NEO1: variants seen among roughly 807,000 people sequenced by gnomAD.
NEO1 encodes the protein neogenin 1, also known as neogenin.
Under a neutral mutation model 159.7 loss-of-function variants are expected in NEO1, and 63 were observed. That is an observed-to-expected ratio of 0.39 (90% CI 0.32 to 0.49). NEO1 has a LOEUF of 0.49. Ranked by LOEUF, NEO1 falls within the 20% of genes least tolerant of loss-of-function variation. The probability of loss-of-function intolerance (pLI) is 0.85; values close to 1 mark genes in which losing one functional copy is unlikely to be tolerated. For synonymous variants in NEO1, 633 were observed against 662.0 expected (o/e 0.96, Z 0.67); for missense variants, 1,615 against 1,831.0 (o/e 0.88, Z 2.15).
In NEO1 at chr15:73,105,349, G is replaced by A. The variant is rs143045672; in HGVS notation, c.131-11191G>A. On this transcript the variant is annotated intron_variant, in intron 1 of 28. Coordinates refer to ENST00000261908, the MANE Select transcript of NEO1 (RefSeq NM_002499.4). ...CTATACGCCTAAGAGTGCCTGCTGCGTGTTGTGTAGTTTCTGGTTTATTGT... is the reference window on the plus strand; with the variant it reads ...CTATACGCCTAAGAGTGCCTGCTGCATGTTGTGTAGTTTCTGGTTTATTGT... Among the ~76,000 whole-genome samples the A allele has an allele frequency of 2.9e-3, 446 of 152,298 alleles. 2 individuals carry two copies. The highest frequency in any genetic ancestry group is 0.01 in the African/African-American group (422 of 41,570).
rs1296531321 is a variant in NEO1 at position 73,244,389 on chromosome 15, C to T, written c.1497C>T (p.Thr499=). ...NTSHPGEMQV[T]IQNLMPATVY... ...GTCACCCAGGAGAGATGCAAGTAAC[C>T]ATTCAAAACCTAATGCCAGCGACCG... The change falls in exon 9 of 29, where the codon ACC becomes ACT. Residue 499 remains threonine, a synonymous_variant. Transcript: ENST00000261908. The T allele has an allele frequency of 1.9e-6, 3 of 1,613,872 alleles. No individual in the cohort carries two copies. Among genetic ancestry groups the T allele is most frequent in the East Asian group, 4.5e-5 (2 of 44,824 alleles).
chr15:73,074,039 A>C (rs66881913), intron 1 of NEO1, among the ~76,000 whole-genome samples: 3 of 152,108 alleles, frequency 2.0e-5, no homozygotes, highest in Admixed American at 6.5e-5. Context: ...GTCTCTTACT[A>C]TAACAGTGTT....
chr15:73,202,574 C>G (rs1596331140), intron 7 of NEO1, among the ~76,000 whole-genome samples: 1 of 151,958 alleles, frequency 6.6e-6, no homozygotes. Context: ...TGTTTTCTAC[C>G]TCCTCCTCTC....
chr15:73,282,985 G>T lies in NEO1; in HGVS notation c.3284G>T (p.Ser1095Ile), dbSNP rs1227245517. ...PMSGSNSPHG[S>I]PTSPLDSNML... is the part of the protein sequence containing the mutation. ...GCAGGCAGTAACAGCCCTCATGGGA[G>T]CCCCACCTCTCCTCTGGACAGTAAT... The change falls in exon 23 of 29, where the codon AGC becomes ATC. Residue 1095 changes from serine (S) to isoleucine (I), a missense_variant. Around this residue, in one of 3 missense-constraint regions of NEO1, gnomAD observed 471 missense variants for 498.9 expected, o/e 0.94. Transcript: ENST00000261908. 19 of 1,614,088 alleles carry T rather than the reference G, an allele frequency of 1.2e-5. No homozygotes were observed. Among genetic ancestry groups the T allele is most frequent in the Non-Finnish European group, 1.5e-5 (18 of 1,179,998 alleles).
intron 13 of NEO1, among the ~76,000 whole-genome samples, chr15:73,257,299 TGAG>T (rs1371677120): frequency 6.7e-6 from 1 of 150,186 alleles, no homozygotes; most frequent in Non-Finnish European, 1.5e-5. Context: ...TCCTTGCCCA[TGAG>T]GAGATTATTC....
In NEO1 at chr15:73,293,454, C is replaced by T; in HGVS notation, c.3807C>T (p.Ser1269=). 1 of 1,614,224 alleles carries T rather than the reference C, an allele frequency of 6.2e-7. No individual in the cohort carries two copies. The highest frequency in any genetic ancestry group is 8.5e-7 in the Non-Finnish European group (1 of 1,180,036). ...DNPHHHFHSS[S]LASPARSHLY... is the part of the protein sequence containing the mutation. ...CTCACCATCATTTCCACTCCAGCAG[C>T]CTCGCTTCTCCAGCTCGCAGTCATC... Residue 1269 remains serine, a synonymous_variant, in exon 26 of 29, where the codon AGC becomes AGT. Coordinates refer to ENST00000261908, the MANE Select transcript of NEO1 (RefSeq NM_002499.4).
At chr15:73,292,527 G>T (rs2042199352) in intron 25 of NEO1, among the ~76,000 whole-genome samples, 2 of 152,256 alleles carry the variant, frequency 1.3e-5, no homozygotes, top group Non-Finnish European at 2.9e-5. Context: ...AATTTTATCT[G>T]TTTCCATCTC....
At chr15:73,268,519 A>C (rs1448865463) in intron 16 of NEO1, among the ~76,000 whole-genome samples, 2 of 152,198 alleles carry the variant, frequency 1.3e-5, no homozygotes, top group Non-Finnish European at 2.9e-5. Context: ...TGGTTATATA[A>C]TGTATGCTAC....
At chr15:73,092,915 T>A (rs1326806184) in intron 1 of NEO1, among the ~76,000 whole-genome samples, 1 of 152,212 alleles carries the variant, frequency 6.6e-6, no homozygotes, top group East Asian at 1.9e-4. Context: ...ATTTTCTCAG[T>A]TTTTAGTTTT....
At chr15:73,215,652 A>C (rs2150719536) in intron 7 of NEO1, among the ~76,000 whole-genome samples, 2 of 152,302 alleles carry the variant, frequency 1.3e-5, no homozygotes, top group Middle Eastern at 3.4e-3. Flanking sequence ...ATGGTGGATT[A>C]TCTTTTTGAT....
intron 7 of NEO1, among the ~76,000 whole-genome samples, chr15:73,191,631 G>GT (rs1017766012): frequency 2.6e-5 from 4 of 151,612 alleles, no homozygotes; most frequent in African/African-American, 7.3e-5. Context: ...AAGTTTGAAG[G>GT]TTTTTTCAAA....
intron 5 of NEO1, among the ~76,000 whole-genome samples, chr15:73,138,705 G>A (rs1038892715): frequency 6.6e-4 from 99 of 149,850 alleles, no homozygotes; most frequent in African/African-American, 2.3e-3. Flanking sequence ...GCAGTGAGCC[G>A]AGATCCCGCC....
At position 73,189,406 on chromosome 15, in the gene NEO1, G is replaced by A. The variant is rs116316426; in HGVS notation, c.1291+10979G>A. Among the ~76,000 whole-genome samples the A allele has an allele frequency of 2.1e-3, 323 of 152,292 alleles. 1 individual carries two copies. The highest frequency in any genetic ancestry group is 7.4e-3 in the African/African-American group (306 of 41,576). On this transcript the variant is annotated intron_variant, in intron 7 of 28. Coordinates refer to ENST00000261908, the MANE Select transcript of NEO1 (RefSeq NM_002499.4). The stretch of plus-strand genomic sequence containing the variant: ...TGAAAATAAAAATCACCATGTAAGT[G>A]GAACCATGCAGTTCAAAACCGGCTT...
At chr15:73,085,484 G>T (rs2069307523) in intron 1 of NEO1, among the ~76,000 whole-genome samples, 1 of 152,084 alleles carries the variant, frequency 6.6e-6, no homozygotes, top group Non-Finnish European at 1.5e-5. Flanking sequence ...TTTCTCTAGG[G>T]CATATATCTC....
chr15:73,146,185 C>A (rs1210844841), intron 5 of NEO1, among the ~76,000 whole-genome samples: 2 of 152,062 alleles, frequency 1.3e-5, no homozygotes, highest in Non-Finnish European at 2.9e-5. Context: ...TTTACATTTT[C>A]CCCCCAGTTT....
intron 8 of NEO1, among the ~76,000 whole-genome samples, chr15:73,239,823 C>G (rs1230372379): frequency 6.6e-6 from 1 of 152,074 alleles, no homozygotes; most frequent in Non-Finnish European, 1.5e-5. Context: ...GTATGTATAC[C>G]CGTAAGTATG....
intron 7 of NEO1, among the ~76,000 whole-genome samples, chr15:73,204,584 T>G (rs2037106282): frequency 6.6e-6 from 1 of 152,186 alleles, no homozygotes; most frequent in South Asian, 2.1e-4. Flanking sequence ...ATCAAAGGCA[T>G]GCTTCATTTT....
Position 73,301,577 on chromosome 15 carries a change from G to GAT in NEO1, c.4302+122_4302+123dup, listed in dbSNP as rs201461598. 3,892 of 1,316,564 alleles carry GAT rather than the reference G, an allele frequency of 3.0e-3. 163 individuals carry two copies. In the Admixed American group the frequency reaches 0.074, roughly 25 times the overall value. The allele number at this position is 1,316,564 out of a possible 1,614,324, so 81.6% of individuals were successfully genotyped here. Reference sequence around the variant, plus strand: ...GCCCGCCACCCAGAACTATGAAGCAGATACACTCATTCATTCAGTAGATAC... The same window carrying GAT: ...GCCCGCCACCCAGAACTATGAAGCAGATATACACTCATTCATTCAGTAGATAC... On this transcript the variant is annotated intron_variant, in intron 28 of 28. Transcript: ENST00000261908.
At chr15:73,056,363 T>G (rs1454187654) in intron 1 of NEO1, among the ~76,000 whole-genome samples, 2 of 152,264 alleles carry the variant, frequency 1.3e-5, no homozygotes, top group African/African-American at 2.4e-5. Flanking sequence ...AAGAGAGTTA[T>G]GGTCACTATT....
Sources: allele counts gnomAD v4.1 joint callset (sites outside exome capture counted in the v4.1 genomes callset), GRCh38; gene constraint gnomAD v4.1.1; regional missense constraint gnomAD v4.1.1; transcripts MANE v1.5; gene names NCBI Gene and HGNC (gene_info 2026-07-23, HGNC 2026-07-21).